AKT3: variants seen among roughly 807,000 people sequenced by gnomAD.
AKT3 encodes the protein AKT serine/threonine kinase 3.
Under a neutral mutation model 65.3 loss-of-function variants are expected in AKT3, and 15 were observed. The observed-to-expected ratio is 0.23, with a 90% CI of 0.15 to 0.35. AKT3 has a LOEUF of 0.35. Ranked by LOEUF, AKT3 falls within the 10% of genes least tolerant of loss-of-function variation. The pLI is 1.00. For missense variants in AKT3, 243 were observed against 576.5 expected, an observed-to-expected ratio of 0.42 and a Z score of 5.92; for synonymous variants, 206 against 183.8, an observed-to-expected ratio of 1.12 and a Z score of -0.98.
chr1:243,666,883 T>C (rs1322042408), intron 3 of AKT3, among the ~76,000 whole-genome samples: 2 of 152,110 alleles, frequency 1.3e-5, no homozygotes, highest in Non-Finnish European at 2.9e-5. Context: ...TTTGTCGACA[T>C]GATGAGATGA....
intron 12 of AKT3, among the ~76,000 whole-genome samples, chr1:243,523,512 T>C (rs1670857592): frequency 6.6e-6 from 1 of 152,210 alleles, no homozygotes; most frequent in African/African-American, 2.4e-5. Context: ...CTCTTCAATG[T>C]GTCTTTAAAC....
chr1:243,513,329 C>T lies in AKT3; in HGVS notation c.1252-903G>A, dbSNP rs1269428852. On this transcript the variant is annotated intron_variant, in intron 12 of 13. Coordinates refer to ENST00000673466, the MANE Select transcript of AKT3 (RefSeq NM_005465.7). ...GTCCCAGAGCATTAGGGTCAGAGTGCGTGCTCTGCAGAGTATCATTCAGAA... is the reference window on the plus strand; with the variant it reads ...GTCCCAGAGCATTAGGGTCAGAGTGTGTGCTCTGCAGAGTATCATTCAGAA... 2.0e-5 allele frequency among the ~76,000 whole-genome samples: 3 copies of T among 152,126 alleles called. No homozygotes were observed. In the South Asian group the frequency reaches 6.2e-4, roughly 32 times the overall value.
intron 13 of AKT3, among the ~76,000 whole-genome samples, chr1:243,506,297 T>G (rs1347296610): frequency 6.6e-6 from 1 of 152,254 alleles, no homozygotes; most frequent in African/African-American, 2.4e-5. Context: ...TCATATGCTG[T>G]CCTGCAATGG....
At chr1:243,631,237 A>C (rs1215562177) in intron 6 of AKT3, among the ~76,000 whole-genome samples, 1 of 152,362 alleles carries the variant, frequency 6.6e-6, no homozygotes, top group Non-Finnish European at 1.5e-5. Context: ...TTTTGCTGGC[A>C]GAAGGTCTTC....
chr1:243,571,585 G>A (rs970878313), intron 9 of AKT3, among the ~76,000 whole-genome samples: 1 of 152,118 alleles, frequency 6.6e-6, no homozygotes, highest in African/African-American at 2.4e-5. Flanking sequence ...AAAACATGTA[G>A]TGGGAATACG....
chr1:243,546,426 A>AGGAAAAGAGG (rs1672682604), intron 11 of AKT3, among the ~76,000 whole-genome samples: 2 of 152,188 alleles, frequency 1.3e-5, no homozygotes, highest in Admixed American at 6.5e-5. Flanking sequence ...GAAGAACAGG[A>AGGAAAAGAGG]GGAAAAGAGG....
chr1:243,544,169 A>C (rs1672497939), intron 12 of AKT3, among the ~76,000 whole-genome samples: 1 of 151,694 alleles, frequency 6.6e-6, no homozygotes, highest in Non-Finnish European at 1.5e-5. Flanking sequence ...ATTTCATAGT[A>C]AACATTTTAT....
intron 2 of AKT3, among the ~76,000 whole-genome samples, chr1:243,696,331 CAT>C (rs1380354393): frequency 2.0e-5 from 3 of 151,896 alleles, no homozygotes; most frequent in African/African-American, 4.8e-5. Context: ...CATACACAAA[CAT>C]AGTAACTATT....
Position 243,846,130 on chromosome 1 carries a change from T to C in AKT3, c.-112-2848A>G, listed in dbSNP as rs543516078. ...GTTCATGTCCTCAAAAGTTTGATAA[T>C]TGGAAGATAAAACATTCAAACAGCA... On this transcript the variant is annotated intron_variant, in intron 1 of 13. Coordinates refer to ENST00000673466, the MANE Select transcript of AKT3 (RefSeq NM_005465.7). Among the ~76,000 whole-genome samples the C allele has an allele frequency of 2.6e-5, 4 of 152,270 alleles. No individual in the cohort carries two copies. The East Asian group carries it at 5.8e-4, about 22-fold the overall frequency.
chr1:243,604,554 C>T (rs1332895587), intron 8 of AKT3, among the ~76,000 whole-genome samples: 1 of 152,168 alleles, frequency 6.6e-6, no homozygotes. Flanking sequence ...TCCTTCCCAA[C>T]CTTAGTGATA....
intron 2 of AKT3, among the ~76,000 whole-genome samples, chr1:243,709,620 A>G (rs1399749920): frequency 6.6e-6 from 1 of 152,014 alleles, no homozygotes; most frequent in Non-Finnish European, 1.5e-5. Context: ...TTTAAATTCT[A>G]TTTAAAATCC....
intron 3 of AKT3, among the ~76,000 whole-genome samples, chr1:243,681,122 C>T (rs113947469): frequency 4.6e-5 from 7 of 152,148 alleles, no homozygotes; most frequent in Non-Finnish European, 1.0e-4. Flanking sequence ...TGAAAGAATT[C>T]CTTGCCACTG....
intron 2 of AKT3, among the ~76,000 whole-genome samples, chr1:243,829,246 T>G (rs1053526890): frequency 1.3e-5 from 2 of 151,860 alleles, no homozygotes; most frequent in Non-Finnish European, 2.9e-5. Flanking sequence ...AATCACACGA[T>G]ACCCTATATA....
At chr1:243,693,648 C>T (rs1185240758) in intron 3 of AKT3, among the ~76,000 whole-genome samples, 6 of 151,954 alleles carry the variant, frequency 3.9e-5, no homozygotes, top group African/African-American at 1.2e-4. Flanking sequence ...AATAATCTGC[C>T]CAAGGTCCTA....
At chr1:243,728,331 TC>T (rs1687342295) in intron 2 of AKT3, among the ~76,000 whole-genome samples, 1 of 152,172 alleles carries the variant, frequency 6.6e-6, no homozygotes, top group African/African-American at 2.4e-5. Context: ...CTTGCTTTCT[TC>T]CCTCCAAGAA....
intron 9 of AKT3, among the ~76,000 whole-genome samples, chr1:243,564,546 C>T (rs2148489565): frequency 6.6e-6 from 1 of 152,172 alleles, no homozygotes; most frequent in Non-Finnish European, 1.5e-5. Flanking sequence ...GGATCATGTG[C>T]CTCAAGCGGA....
At chr1:243,849,345 T>G (rs1411076699) in intron 1 of AKT3, among the ~76,000 whole-genome samples, 1 of 151,356 alleles carries the variant, frequency 6.6e-6, no homozygotes, top group African/African-American at 2.4e-5. Context: ...CCACTACTAT[T>G]AAAAACACAG....
At chr1:243,782,223 G>A (rs559125389) in intron 2 of AKT3, among the ~76,000 whole-genome samples, 9 of 152,236 alleles carry the variant, frequency 5.9e-5, no homozygotes, top group Admixed American at 5.2e-4. Context: ...CTTGTAAAGC[G>A]GTATTGGCCT....
At chr1:243,564,208 ATCT>A (rs1673996419) in intron 9 of AKT3, among the ~76,000 whole-genome samples, 1 of 152,184 alleles carries the variant, frequency 6.6e-6, no homozygotes, top group Non-Finnish European at 1.5e-5. Context: ...AGAGATGAGC[ATCT>A]TCTTCTAGAT....
Sources: allele counts gnomAD v4.1 joint callset (sites outside exome capture counted in the v4.1 genomes callset), GRCh38; gene constraint gnomAD v4.1.1; transcripts MANE v1.5; gene names NCBI Gene and HGNC (gene_info 2026-07-23, HGNC 2026-07-21).